SNCAIP: variants seen among roughly 807,000 people sequenced by gnomAD.
The protein encoded by SNCAIP is synuclein alpha interacting protein, also known as synphilin-1.
Under a neutral mutation model 86.7 loss-of-function variants are expected in SNCAIP, and 43 were observed. The observed-to-expected ratio is 0.50, with a 90% CI of 0.39 to 0.64. SNCAIP has a LOEUF of 0.64. Ranked by LOEUF, SNCAIP falls within the 30% of genes least tolerant of loss-of-function variation. SNCAIP has a pLI of 0.00. For missense variants in SNCAIP, 981 were observed against 1,103.1 expected, an observed-to-expected ratio of 0.89 and a Z score of 1.57; for synonymous variants, 417 against 427.2, an observed-to-expected ratio of 0.98 and a Z score of 0.29.
Position 122,463,634 on chromosome 5 carries a change from C to T in SNCAIP, c.*138C>T. ...TTGGAAATTATTGGAAATTTCTGGACTATCCTCTTTGGAAAGAGAACCATG... is the reference window on the plus strand; with the variant it reads ...TTGGAAATTATTGGAAATTTCTGGATTATCCTCTTTGGAAAGAGAACCATG... On this transcript the variant is annotated 3_prime_UTR_variant, in exon 11 of 11. Transcript: ENST00000261368. 1.1e-6 allele frequency: 1 copy of T among 870,460 alleles called. No homozygotes were observed. The highest frequency in any genetic ancestry group is 1.8e-6 in the Non-Finnish European group (1 of 543,272). The allele number at this position is 870,460 out of a possible 1,614,324, so 53.9% of individuals were successfully genotyped here.
At chr5:122,335,001 A>G (rs1006251853) in intron 1 of SNCAIP, among the ~76,000 whole-genome samples, 3 of 152,204 alleles carry the variant, frequency 2.0e-5, no homozygotes, top group African/African-American at 7.2e-5. Context: ...GAGATATTCT[A>G]AAATGCAAGT....
rs1418351789 is a variant in SNCAIP at position 122,312,277 on chromosome 5, C to A, written c.-54C>A. 1.3e-5 allele frequency: 2 copies of A among 151,076 alleles called. No homozygotes were observed. The highest frequency in any genetic ancestry group is 2.4e-5 in the African/African-American group (1 of 41,114). 9.4% of individuals were successfully genotyped at this position (151,076 alleles called of 1,614,324 possible). Reference sequence around the variant, plus strand: ...GCTCCTGAGCCGCCGGCGCGCCGGGCGCCCCGGGTGAGTCCAGGTCCCAAG... The same window carrying A: ...GCTCCTGAGCCGCCGGCGCGCCGGGAGCCCCGGGTGAGTCCAGGTCCCAAG... On this transcript the variant is annotated 5_prime_UTR_variant, in exon 1 of 11. Transcript: ENST00000261368.
At chr5:122,383,148 A>T (rs9716452) in intron 1 of SNCAIP, among the ~76,000 whole-genome samples, 23 of 152,020 alleles carry the variant, frequency 1.5e-4, no homozygotes, top group African/African-American at 5.1e-4. Flanking sequence ...GCCTCGCTGC[A>T]GCCTTGCAGT....
chr5:122,356,168 A>G, intron 1 of SNCAIP, among the ~76,000 whole-genome samples: 1 of 140,878 alleles, frequency 7.1e-6, no homozygotes, highest in Non-Finnish European at 1.5e-5. Context: ...GGCATGAATG[A>G]TCACAGCTCA....
chr5:122,422,860 A>C lies in SNCAIP; in HGVS notation c.131-8A>C. 6.2e-7 allele frequency: 1 copy of C among 1,612,056 alleles called. No homozygotes were observed. Among genetic ancestry groups the C allele is most frequent in the Non-Finnish European group, 8.5e-7 (1 of 1,178,178 alleles). On this transcript the variant is annotated splice_region_variant and splice_polypyrimidine_tract_variant and intron_variant, in intron 3 of 10. Transcript: ENST00000261368. ...TAATAGCTTTCTATTTTAATTTTTT[A>C]AAAACAGTTTCTAGCTCTAGCTGGA...
At chr5:122,444,339 C>G (rs1367064830) in intron 7 of SNCAIP, 1 of 596,392 alleles carries the variant, frequency 1.7e-6, no homozygotes, top group African/African-American at 1.8e-5. Context: ...GGACAGCCTC[C>G]TCCTCTCCTT....
intron 1 of SNCAIP, among the ~76,000 whole-genome samples, chr5:122,381,608 C>T (rs964197093): frequency 6.1e-5 from 9 of 147,150 alleles, no homozygotes; most frequent in South Asian, 2.3e-4. Context: ...TGATTTTGCT[C>T]GTTAGTTGAT....
intron 10 of SNCAIP, among the ~76,000 whole-genome samples, chr5:122,457,534 G>A (rs888374584): frequency 3.3e-5 from 5 of 151,922 alleles, no homozygotes; most frequent in Non-Finnish European, 5.9e-5. Flanking sequence ...CAGGTGCTCC[G>A]TGGTTCCTCC....
chr5:122,441,007 C>A (rs1243120382), intron 7 of SNCAIP: 2 of 472,694 alleles, frequency 4.2e-6, no homozygotes, highest in East Asian at 8.3e-5. Context: ...TATCACTGCT[C>A]TAAAGCCCCA....
intron 1 of SNCAIP, among the ~76,000 whole-genome samples, chr5:122,383,857 G>C (rs1405903714): frequency 1.3e-5 from 2 of 152,060 alleles, no homozygotes; most frequent in African/African-American, 4.8e-5. Flanking sequence ...TTAAAAGGAT[G>C]GTCATAATCC....
intron 1 of SNCAIP, among the ~76,000 whole-genome samples, chr5:122,373,556 C>G (rs1378076976): frequency 1.3e-5 from 2 of 152,174 alleles, no homozygotes; most frequent in Non-Finnish European, 2.9e-5. Flanking sequence ...CTTGTACCAT[C>G]CTAATCTTCA....
At chr5:122,350,301 G>C (rs750438794) in intron 1 of SNCAIP, among the ~76,000 whole-genome samples, 1 of 152,142 alleles carries the variant, frequency 6.6e-6, no homozygotes, top group Non-Finnish European at 1.5e-5. Flanking sequence ...CCAAATATAA[G>C]AAGATAATTT....
intron 1 of SNCAIP, among the ~76,000 whole-genome samples, chr5:122,346,098 C>A (rs1372915854): frequency 6.6e-6 from 1 of 152,110 alleles, no homozygotes; most frequent in Non-Finnish European, 1.5e-5. Context: ...GACATATTAA[C>A]TTTCCAGTAA....
At chr5:122,411,621 C>T (rs1392798682) in intron 3 of SNCAIP, among the ~76,000 whole-genome samples, 2 of 152,024 alleles carry the variant, frequency 1.3e-5, no homozygotes, top group African/African-American at 2.4e-5. Flanking sequence ...CCTAGAATCT[C>T]ATAGTTGAAG....
chr5:122,423,066 A>C lies in SNCAIP; in HGVS notation c.329A>C (p.Glu110Ala). Residue 110 changes from glutamate to alanine, a missense_variant, in exon 4 of 11, where the codon GAG becomes GCG. Transcript: ENST00000261368. Reference sequence around the variant, plus strand: ...GTGGTTGAGTACCAGAAAGGGGGTGAGTCTGACCTGGGCCCCCAGCCTCAG... The same window carrying C: ...GTGGTTGAGTACCAGAAAGGGGGTGCGTCTGACCTGGGCCCCCAGCCTCAG... ...QKVVEYQKGG[E>A]SDLGPQPQEL... The C allele has an allele frequency of 1.9e-6, 3 of 1,614,102 alleles. No individual in the cohort carries two copies. Among genetic ancestry groups the C allele is most frequent in the Non-Finnish European group, 2.5e-6 (3 of 1,179,988 alleles).
chr5:122,313,248 C>T (rs1460622154), intron 1 of SNCAIP, among the ~76,000 whole-genome samples: 1 of 152,216 alleles, frequency 6.6e-6, no homozygotes, highest in African/African-American at 2.4e-5. Context: ...TTGCTGGAGG[C>T]AGGATCGGAT....
At chr5:122,406,273 T>G (rs1772960415) in intron 3 of SNCAIP, among the ~76,000 whole-genome samples, 1 of 152,132 alleles carries the variant, frequency 6.6e-6, no homozygotes, top group South Asian at 2.1e-4. Flanking sequence ...CTCCTCCCCC[T>G]GTCTTTCTTG....
Position 122,463,710 on chromosome 5 carries a change from T to G in SNCAIP, c.*214T>G, listed in dbSNP as rs1787036623. 3 of 577,184 alleles carry G rather than the reference T, an allele frequency of 5.2e-6. No individual in the cohort carries two copies. In the East Asian group the frequency reaches 8.4e-5, roughly 16 times the overall value. The allele number at this position is 577,184 out of a possible 1,614,324, so 35.8% of individuals were successfully genotyped here. ...ACAGAATATCAGGATGCCTTAAATTTATAGTAGTAGACTGTAAAAGATTCA... is the reference window on the plus strand; with the variant it reads ...ACAGAATATCAGGATGCCTTAAATTGATAGTAGTAGACTGTAAAAGATTCA... On this transcript the variant is annotated 3_prime_UTR_variant, in exon 11 of 11. Coordinates refer to ENST00000261368, the MANE Select transcript of SNCAIP (RefSeq NM_005460.4).
rs765510185 is a variant in SNCAIP, at chr5:122,423,075, T to C, written c.338T>C (p.Leu113Pro). The change falls in exon 4 of 11, where the codon CTG (leucine) becomes CCG (proline). Residue 113 changes from leucine to proline, a missense_variant. Leu to Pro is a moderately conservative substitution (Grantham distance 98, BLOSUM62 -3). Coordinates refer to ENST00000261368, the MANE Select transcript of SNCAIP (RefSeq NM_005460.4). ...VEYQKGGESD[L>P]GPQPQELGPG... ...TACCAGAAAGGGGGTGAGTCTGACC[T>C]GGGCCCCCAGCCTCAGGAGCTTGGC... 1.4e-5 allele frequency: 23 copies of C among 1,613,996 alleles called. No homozygotes were observed. The highest frequency in any genetic ancestry group is 1.9e-5 in the Non-Finnish European group (23 of 1,180,020).
Sources: gnomAD v4.1 joint callset for allele counts (sites outside exome capture counted in the v4.1 genomes callset) on GRCh38, gnomAD v4.1.1 for gene constraint, MANE v1.5 for transcripts, NCBI Gene and HGNC (gene_info 2026-07-23, HGNC 2026-07-21) for gene names.